PNKD: variants seen among roughly 807,000 people sequenced by gnomAD.
PNKD encodes the protein probable thioesterase PNKD.
Under a neutral mutation model 45.3 loss-of-function variants are expected in PNKD, and 36 were observed. That is an observed-to-expected ratio of 0.80 (90% CI 0.61 to 1.05). The LOEUF (loss-of-function observed/expected upper bound fraction) is 1.05. Among genes scored for constraint, PNKD ranks in the 50% least tolerant of loss-of-function variants. The pLI is 0.00. For missense variants in PNKD, 511 were observed against 506.6 expected (o/e 1.01, Z -0.08); for synonymous variants, 197 against 210.1 (o/e 0.94, Z 0.54).
intron 2 of PNKD, among the ~76,000 whole-genome samples, chr2:218,310,253 C>A (rs1031078892): frequency 2.0e-5 from 3 of 152,174 alleles, no homozygotes; most frequent in Admixed American, 6.5e-5. Flanking sequence ...GACGGAATCT[C>A]ACTCTGTCAC....
intron 2 of PNKD, among the ~76,000 whole-genome samples, chr2:218,311,270 G>A (rs140971888): frequency 3.9e-5 from 6 of 152,292 alleles, no homozygotes; most frequent in African/African-American, 1.4e-4. Flanking sequence ...CAGCCCCTAC[G>A]CACCTGTGGA....
chr2:218,288,844 T>C (rs1347161863), intron 2 of PNKD, among the ~76,000 whole-genome samples: 1 of 152,074 alleles, frequency 6.6e-6, no homozygotes, highest in African/African-American at 2.4e-5. Flanking sequence ...GTCAAAATGG[T>C]CCCATTTTGG....
chr2:218,303,528 C>T (rs1693326967), intron 2 of PNKD, among the ~76,000 whole-genome samples: 1 of 151,278 alleles, frequency 6.6e-6, no homozygotes, highest in African/African-American at 2.4e-5. Flanking sequence ...CCAGCCCCCA[C>T]CCTGAGGTGT....
intron 2 of PNKD, among the ~76,000 whole-genome samples, chr2:218,320,520 A>G (rs1306644370): frequency 2.0e-5 from 3 of 152,170 alleles, no homozygotes; most frequent in African/African-American, 7.2e-5. Context: ...GTGAGCTATG[A>G]TTGTGCCACT....
At chr2:218,335,997 A>T (rs1374373808) in intron 2 of PNKD, among the ~76,000 whole-genome samples, 1 of 152,066 alleles carries the variant, frequency 6.6e-6, no homozygotes, top group East Asian at 1.9e-4. Context: ...CGGGTTGATC[A>T]TGAGGTCAAG....
chr2:218,343,359 C>T (rs1425966170), intron 7 of PNKD, 141 bp from the exon 8 acceptor site: 2 of 737,652 alleles, frequency 2.7e-6, no homozygotes, highest in Non-Finnish European at 4.8e-6. Flanking sequence ...GAATAGATGC[C>T]TGGGGTGGGT....
intron 2 of PNKD, among the ~76,000 whole-genome samples, chr2:218,302,819 C>T (rs558701402): frequency 9.9e-5 from 15 of 152,156 alleles, no homozygotes; most frequent in Non-Finnish European, 1.6e-4. Flanking sequence ...GGGACAGGGG[C>T]GCAGAATGTA....
At chr2:218,337,130 G>A (rs1275957329) in intron 2 of PNKD, among the ~76,000 whole-genome samples, 1 of 151,192 alleles carries the variant, frequency 6.6e-6, no homozygotes, top group Non-Finnish European at 1.5e-5. Flanking sequence ...TTATTGAGAT[G>A]GAGTCTCACT....
At position 218,340,578 on chromosome 2, in the gene PNKD, G is replaced by C; in HGVS notation, c.466-150G>C. On this transcript the variant is annotated intron_variant, in intron 4 of 9. Transcript: ENST00000273077. This position sits in a 1 kb window ranked among gnomAD's most constrained non-coding sequence, Gnocchi z 4.2. ...ATGTGCCCCGTGCTTCACATTCCTG[G>C]ATCTCTCCCCTCCAGCTCCATCCCT... 1 of 717,420 alleles carries C rather than the reference G, an allele frequency of 1.4e-6. No individual in the cohort carries two copies. Among genetic ancestry groups the C allele is most frequent in the Non-Finnish European group, 2.6e-6 (1 of 392,154 alleles). 44.4% of individuals were successfully genotyped at this position (717,420 alleles called of 1,614,324 possible).
At chr2:218,276,589 G>A (rs1439902707) in intron 2 of PNKD, among the ~76,000 whole-genome samples, 1 of 152,090 alleles carries the variant, frequency 6.6e-6, no homozygotes, top group Non-Finnish European at 1.5e-5. Flanking sequence ...CTTCCCCTTC[G>A]GCACTGTTCT....
At chr2:218,338,791 A>ATT (rs372040108) in intron 2 of PNKD, among the ~76,000 whole-genome samples, 11,433 of 117,404 alleles carry the variant, frequency 0.097, 770 homozygotes, top group East Asian at 0.18. Flanking sequence ...GCCTCAGATG[A>ATT]TTTTTTTTTT....
At chr2:218,317,588 TA>T (rs956670865) in intron 2 of PNKD, among the ~76,000 whole-genome samples, 2 of 152,168 alleles carry the variant, frequency 1.3e-5, no homozygotes, top group Non-Finnish European at 2.9e-5. Flanking sequence ...TGTAGGAGAC[TA>T]AAGGCTTCCA....
intron 2 of PNKD, among the ~76,000 whole-genome samples, chr2:218,288,116 A>G (rs1692662335): frequency 6.6e-6 from 1 of 152,260 alleles, no homozygotes; most frequent in Non-Finnish European, 1.5e-5. Flanking sequence ...AAGGAGACTG[A>G]TAACTAACCC....
chr2:218,277,871 C>G lies in PNKD; in HGVS notation c.236+6322C>G, dbSNP rs3817266. On this transcript the variant is annotated intron_variant, in intron 2 of 9. Transcript: ENST00000273077. ...CATCCTTCTGAAATGGGTCCCCATC[C>G]CTTCCCTGGGAGCAGTCTCCCTCAC... The G allele has an allele frequency of 5.3e-5, 85 of 1,607,538 alleles. 1 individual carries two copies. The East Asian group carries it at 1.5e-3, about 29-fold the overall frequency.
intron 2 of PNKD, among the ~76,000 whole-genome samples, chr2:218,337,055 C>T (rs957324708): frequency 3.3e-5 from 5 of 151,798 alleles, no homozygotes; most frequent in African/African-American, 1.2e-4. Flanking sequence ...CAGCCTCTGC[C>T]TTCCAAAGAG....
At chr2:218,339,946 C>A (rs777126091) in intron 3 of PNKD, 48 bp downstream of exon 3, 8 of 1,457,538 alleles carry the variant, frequency 5.5e-6, no homozygotes, top group Non-Finnish European at 6.7e-6. Context: ...GTGCCCCCAC[C>A]CTCCCCGCCT....
At chr2:218,272,301 G>A (rs191410408) in intron 2 of PNKD, among the ~76,000 whole-genome samples, 1 of 152,362 alleles carries the variant, frequency 6.6e-6, no homozygotes, top group East Asian at 1.9e-4. Flanking sequence ...GGCGGGAGGA[G>A]GAAAGAGGCA....
At chr2:218,335,619 T>C (rs1245244234) in intron 2 of PNKD, among the ~76,000 whole-genome samples, 1 of 150,458 alleles carries the variant, frequency 6.6e-6, no homozygotes, top group East Asian at 1.9e-4. Context: ...GAAATGTAAG[T>C]TGGCCAAATC....
In PNKD at chr2:218,320,975, C is replaced by T. The variant is rs148457060; in HGVS notation, c.237-18808C>T. ...ATGGCTCCCTGGGCCTGCATGACTC[C>T]CCTAAAACACTCACCCTCACTCCTT... On this transcript the variant is annotated intron_variant, in intron 2 of 9. Transcript: ENST00000273077. Among the ~76,000 whole-genome samples the T allele has an allele frequency of 2.1e-3, 317 of 152,250 alleles. 3 individuals are homozygous for T. Among genetic ancestry groups the T allele is most frequent in the African/African-American group, 7.1e-3 (294 of 41,538 alleles).
Sources: gnomAD v4.1 joint callset for allele counts (sites outside exome capture counted in the v4.1 genomes callset) on GRCh38, gnomAD v4.1.1 for gene constraint, Gnocchi (gnomAD v3.1) non-coding constraint, MANE v1.5 for transcripts, NCBI Gene and HGNC (gene_info 2026-07-23, HGNC 2026-07-21) for gene names.